CHRM5: variants seen among roughly 807,000 people sequenced by gnomAD.
CHRM5 encodes cholinergic receptor muscarinic 5.
A neutral mutation model predicts 39.0 loss-of-function variants in CHRM5; 18 were observed. That is an observed-to-expected ratio of 0.46 (90% CI 0.32 to 0.68). The LOEUF (loss-of-function observed/expected upper bound fraction) is 0.68. Among genes scored for constraint, CHRM5 ranks in the 30% least tolerant of loss-of-function variants. The probability of loss-of-function intolerance (pLI) is 0.04; values close to 1 mark genes in which losing one functional copy is unlikely to be tolerated. For missense variants in CHRM5, 515 were observed against 651.1 expected (o/e 0.79, Z 2.28); for synonymous variants, 241 against 246.3 (o/e 0.98, Z 0.20).
In CHRM5 at chr15:34,065,006, G is replaced by C. The variant is rs772650895; in HGVS notation, c.*690G>C. 1 of 167,076 alleles carries C rather than the reference G, an allele frequency of 6.0e-6. No homozygotes were observed. Among genetic ancestry groups the C allele is most frequent in the Non-Finnish European group, 1.5e-5 (1 of 68,158 alleles). 10.3% of individuals were successfully genotyped at this position (167,076 alleles called of 1,614,324 possible). The stretch of plus-strand genomic sequence containing the variant: ...GAACCATCCTTCCTCTCAGAATCCA[G>C]AGTCTGGAAGGACTGAAACCTGGTC... On this transcript the variant is annotated 3_prime_UTR_variant, in exon 3 of 3. Transcript: ENST00000383263.
At chr15:33,987,238 T>C (rs1263871994) in intron 1 of CHRM5, among the ~76,000 whole-genome samples, 2 of 152,242 alleles carry the variant, frequency 1.3e-5, no homozygotes, top group African/African-American at 4.8e-5. Context: ...CAGTATCCCA[T>C]ATGTGCTTTA....
intron 1 of CHRM5, chr15:34,038,741 T>C: frequency 8.8e-7 from 1 of 1,140,106 alleles, no homozygotes; most frequent in East Asian, 4.2e-5. Context: ...CTTGCCCCAG[T>C]TACACGCGGT....
chr15:34,034,195 C>T (rs1038498112), intron 1 of CHRM5, among the ~76,000 whole-genome samples: 1 of 152,188 alleles, frequency 6.6e-6, no homozygotes, highest in Non-Finnish European at 1.5e-5. Flanking sequence ...GTAACCCCAG[C>T]ACTTTGGGTG....
At chr15:34,011,464 T>G (rs1217243415) in intron 1 of CHRM5, among the ~76,000 whole-genome samples, 1 of 152,130 alleles carries the variant, frequency 6.6e-6, no homozygotes, top group Admixed American at 6.5e-5. Context: ...CCCAGAACAA[T>G]GTACATAATA....
At chr15:34,006,430 A>G (rs1458705754) in intron 1 of CHRM5, among the ~76,000 whole-genome samples, 1 of 152,224 alleles carries the variant, frequency 6.6e-6, no homozygotes, top group African/African-American at 2.4e-5. Flanking sequence ...CATTGGGTGA[A>G]CAGAGTTCAG....
At chr15:34,034,870 T>C (rs1899042808) in intron 1 of CHRM5, among the ~76,000 whole-genome samples, 1 of 152,174 alleles carries the variant, frequency 6.6e-6, no homozygotes, top group Non-Finnish European at 1.5e-5. Flanking sequence ...CTAACCAAAT[T>C]TGCTTCAGGC....
At chr15:33,991,585 TTAGA>T (rs1454230214) in intron 1 of CHRM5, 1 of 151,752 alleles carries the variant, frequency 6.6e-6, no homozygotes, top group Non-Finnish European at 1.5e-5. Context: ...TTGGGATGAC[TTAGA>T]TAATGTGACC....
At chr15:34,056,877 A>G (rs1323410833) in intron 2 of CHRM5, among the ~76,000 whole-genome samples, 2 of 152,128 alleles carry the variant, frequency 1.3e-5, no homozygotes, top group Non-Finnish European at 2.9e-5. Context: ...AGCAAAATGA[A>G]ACCAGAAAAA....
Position 34,063,544 on chromosome 15 carries a change from G to T in CHRM5, c.827G>T (p.Arg276Met). ...RNQASWSSSR[R>M]STSTTGKPSQ... ...CAGGCCTCCTGGTCATCCTCCCGCA[G>T]GAGCACCTCCACCACTGGGAAGCCA... Residue 276 changes from arginine (R) to methionine (M), a missense_variant, in exon 3 of 3, where the codon AGG becomes ATG. Transcript: ENST00000383263. This position sits in a 1 kb window ranked among gnomAD's most constrained non-coding sequence, Gnocchi z 4.1. 6.2e-7 allele frequency: 1 copy of T among 1,613,630 alleles called. No homozygotes were observed. Among genetic ancestry groups the T allele is most frequent in the Middle Eastern group, 1.6e-4 (1 of 6,062 alleles).
At chr15:33,990,244 T>A (rs1051318421) in intron 1 of CHRM5, among the ~76,000 whole-genome samples, 1 of 151,668 alleles carries the variant, frequency 6.6e-6, no homozygotes, top group East Asian at 1.9e-4. Context: ...TAGCCAGGCG[T>A]TGAGGTGCGT....
intron 1 of CHRM5, among the ~76,000 whole-genome samples, chr15:34,014,387 A>G (rs1897782838): frequency 8.3e-6 from 1 of 120,656 alleles, no homozygotes; most frequent in African/African-American, 2.9e-5. Flanking sequence ...AAAAAAAACA[A>G]AAACAAAAAC....
chr15:34,062,653 A>G lies in CHRM5; in HGVS notation c.-65A>G. The G allele has an allele frequency of 6.7e-7, 1 of 1,486,082 alleles. No homozygotes were observed. The highest frequency in any genetic ancestry group is 9.1e-7 in the Non-Finnish European group (1 of 1,097,984). The allele number at this position is 1,486,082 out of a possible 1,614,324, so 92.1% of individuals were successfully genotyped here. A position where few individuals can be genotyped will look rare whatever the true frequency, so the allele number is the denominator to read the frequency against. ...TTCCCTCTCTTCCAGATGCTGGCCA[A>G]GAAGAGCTGAAATAGAAAACAGCCT... is the stretch of plus-strand genomic sequence containing the variant. On this transcript the variant is annotated 5_prime_UTR_variant, in exon 3 of 3. Coordinates refer to ENST00000383263, the MANE Select transcript of CHRM5 (RefSeq NM_012125.4).
chr15:33,982,248 C>G (rs1896185034), intron 1 of CHRM5, among the ~76,000 whole-genome samples: 2 of 152,044 alleles, frequency 1.3e-5, no homozygotes, highest in East Asian at 3.9e-4. Context: ...CTGCCCCCAA[C>G]AAATTAAGCC....
At position 34,046,724 on chromosome 15, in the gene CHRM5, C is replaced by T. The variant is rs1379808299; in HGVS notation, c.-223C>T. The T allele has an allele frequency of 1.3e-5, 2 of 152,242 alleles. No homozygotes were observed. The highest frequency in any genetic ancestry group is 4.8e-5 in the African/African-American group (2 of 41,470). 9.4% of individuals were successfully genotyped at this position (152,242 alleles called of 1,614,324 possible). The stretch of plus-strand genomic sequence containing the variant: ...TGAAAGGTGTGAGTGAATACAGCGC[C>T]TTCAACTGAAATATCCAGGTTCTCG... On this transcript the variant is annotated 5_prime_UTR_variant, in exon 2 of 3. Coordinates refer to ENST00000383263, the MANE Select transcript of CHRM5 (RefSeq NM_012125.4).
chr15:34,050,139 C>T (rs1899882716), intron 2 of CHRM5, among the ~76,000 whole-genome samples: 2 of 152,072 alleles, frequency 1.3e-5, no homozygotes, highest in Admixed American at 6.6e-5. Flanking sequence ...CCACCCACCT[C>T]GGCCTCCCAA....
In CHRM5 at chr15:34,031,332, G is replaced by C. The variant is rs529004179; in HGVS notation, c.-407-15208G>C. Among the ~76,000 whole-genome samples the C allele has an allele frequency of 1.6e-4, 25 of 152,068 alleles. No individual in the cohort carries two copies. The South Asian group carries it at 4.2e-3, about 25-fold the overall frequency. ...TGGGATTACAGGCGCATGCCACCATGCCTGGCTAATTTTTATATTTCTAAT... is the reference window on the plus strand; with the variant it reads ...TGGGATTACAGGCGCATGCCACCATCCCTGGCTAATTTTTATATTTCTAAT... On this transcript the variant is annotated intron_variant, in intron 1 of 2. Coordinates refer to ENST00000383263, the MANE Select transcript of CHRM5 (RefSeq NM_012125.4).
At chr15:34,000,533 C>T (rs969603140) in intron 1 of CHRM5, among the ~76,000 whole-genome samples, 5 of 152,146 alleles carry the variant, frequency 3.3e-5, no homozygotes, top group Non-Finnish European at 5.9e-5. Context: ...ACCTAAGGAA[C>T]CAACAATATT....
intron 2 of CHRM5, among the ~76,000 whole-genome samples, chr15:34,055,501 T>C (rs1441292932): frequency 6.7e-6 from 1 of 150,076 alleles, no homozygotes; most frequent in Non-Finnish European, 1.5e-5. Context: ...TGAAACACTC[T>C]CTCAAAAAAA....
intron 1 of CHRM5, among the ~76,000 whole-genome samples, chr15:34,013,535 A>G (rs1897729548): frequency 6.6e-6 from 1 of 152,204 alleles, no homozygotes; most frequent in African/African-American, 2.4e-5. Flanking sequence ...GCCAATATTC[A>G]TTTAACAGTG....
Sources: allele counts gnomAD v4.1 joint callset (sites outside exome capture counted in the v4.1 genomes callset), GRCh38; gene constraint gnomAD v4.1.1; non-coding constraint Gnocchi (gnomAD v3.1); transcripts MANE v1.5; gene names NCBI Gene and HGNC (gene_info 2026-07-23, HGNC 2026-07-21).